UVRAG: variants seen among roughly 807,000 people sequenced by gnomAD.
UVRAG encodes the protein UV radiation resistance associated, also known as UV radiation resistance-associated gene protein.
A neutral mutation model predicts 78.0 loss-of-function variants in UVRAG; 19 were observed. That is an observed-to-expected ratio of 0.24 (90% CI 0.17 to 0.36). The LOEUF (loss-of-function observed/expected upper bound fraction) is 0.36, where lower values mean the gene tolerates loss of function less well. Ranked by LOEUF, UVRAG falls within the 10% of genes least tolerant of loss-of-function variation. UVRAG has a pLI of 1.00. For missense variants in UVRAG, 740 were observed against 853.8 expected, an observed-to-expected ratio of 0.87 and a Z score of 1.66; for synonymous variants, 323 against 324.6, an observed-to-expected ratio of 1.00 and a Z score of 0.05.
chr11:76,140,932 C>A lies in UVRAG; in HGVS notation c.1619C>A (p.Thr540Asn). 6.2e-7 allele frequency: 1 copy of A among 1,614,162 alleles called. No homozygotes were observed. The highest frequency in any genetic ancestry group is 8.5e-7 in the Non-Finnish European group (1 of 1,180,030). Reference protein sequence around the residue: ...PVTTVPSMGETERKITSLSSS... With the variant: ...PVTTVPSMGENERKITSLSSS... ...ACCACCGTCCCCTCCATGGGAGAGA[C>A]CGAGAGAAAGATAACATCTCTATCC... Residue 540 changes from threonine to asparagine, a missense_variant, in exon 15 of 15, where the codon ACC (threonine) becomes AAC (asparagine). Thr to Asn is a moderately conservative substitution (Grantham distance 65). Coordinates refer to ENST00000356136, the MANE Select transcript of UVRAG (RefSeq NM_003369.4).
At chr11:75,967,518 G>C (rs577421579) in intron 7 of UVRAG, among the ~76,000 whole-genome samples, 1 of 152,118 alleles carries the variant, frequency 6.6e-6, no homozygotes, top group South Asian at 2.1e-4. Flanking sequence ...TTTTCAATTT[G>C]GGGGGAAGAA....
intron 12 of UVRAG, among the ~76,000 whole-genome samples, chr11:76,047,690 G>A (rs965422487): frequency 6.6e-6 from 1 of 152,172 alleles, no homozygotes; most frequent in Admixed American, 6.5e-5. Context: ...AGATTAAACT[G>A]TCATTTTCAC....
intron 6 of UVRAG, among the ~76,000 whole-genome samples, chr11:75,952,382 AT>A (rs970927433): frequency 6.6e-6 from 1 of 151,200 alleles, no homozygotes; most frequent in African/African-American, 2.4e-5. Context: ...TTAGCTGTAG[AT>A]TTTTTTCTAT....
At chr11:75,832,561 C>T (rs1052265854) in intron 1 of UVRAG, among the ~76,000 whole-genome samples, 1 of 152,212 alleles carries the variant, frequency 6.6e-6, no homozygotes, top group African/African-American at 2.4e-5. Context: ...CCTCCTAGCA[C>T]TTCAATGTAT....
intron 6 of UVRAG, among the ~76,000 whole-genome samples, chr11:75,948,147 GT>G (rs1454229742): frequency 2.6e-5 from 4 of 152,028 alleles, no homozygotes; most frequent in South Asian, 2.1e-4. Flanking sequence ...GTACATGGTG[GT>G]TTTTTTCTTT....
intron 13 of UVRAG, among the ~76,000 whole-genome samples, chr11:76,097,983 C>T (rs182535204): frequency 6.7e-4 from 102 of 152,054 alleles, no homozygotes; most frequent in African/African-American, 2.4e-3. Flanking sequence ...CTTTCATCCA[C>T]AGAAATTTGG....
At chr11:76,113,610 T>A (rs1952122765) in intron 13 of UVRAG, among the ~76,000 whole-genome samples, 1 of 152,122 alleles carries the variant, frequency 6.6e-6, no homozygotes, top group African/African-American at 2.4e-5. Context: ...TAATAATATA[T>A]GTGTTATGTA....
At chr11:75,875,898 G>A (rs528869045) in intron 3 of UVRAG, among the ~76,000 whole-genome samples, 57 of 152,238 alleles carry the variant, frequency 3.7e-4, no homozygotes, top group African/African-American at 1.3e-3. Context: ...AACTGGCCAC[G>A]TGCAGTGGCT....
At chr11:75,868,881 G>A (rs1946589219) in intron 3 of UVRAG, among the ~76,000 whole-genome samples, 1 of 152,152 alleles carries the variant, frequency 6.6e-6, no homozygotes, top group Non-Finnish European at 1.5e-5. Flanking sequence ...AAAATCTCAT[G>A]GTGGGAGTAT....
intron 8 of UVRAG, among the ~76,000 whole-genome samples, chr11:75,989,462 A>G (rs1461173688): frequency 6.6e-6 from 1 of 152,174 alleles, no homozygotes; most frequent in African/African-American, 2.4e-5. Context: ...TCCTTCTCTC[A>G]GGAATCATTA....
intron 14 of UVRAG, among the ~76,000 whole-genome samples, chr11:76,126,346 G>A (rs563940031): frequency 6.6e-6 from 1 of 152,110 alleles, no homozygotes; most frequent in Non-Finnish European, 1.5e-5. Context: ...AAAATATCTT[G>A]TAGACATGTA....
intron 13 of UVRAG, among the ~76,000 whole-genome samples, chr11:76,085,844 C>T (rs111629697): frequency 1.2e-3 from 177 of 152,242 alleles, no homozygotes; most frequent in African/African-American, 3.9e-3. Flanking sequence ...CATATTTCCA[C>T]GTCCTTTTCC....
intron 7 of UVRAG, among the ~76,000 whole-genome samples, chr11:75,978,160 C>T (rs12289286): frequency 2.6e-5 from 4 of 152,120 alleles, no homozygotes; most frequent in South Asian, 4.1e-4. Flanking sequence ...AATTCCGGGT[C>T]GAAAATTCTT....
chr11:76,125,780 A>G (rs1425518449), intron 14 of UVRAG, among the ~76,000 whole-genome samples: 1 of 152,230 alleles, frequency 6.6e-6, no homozygotes, highest in African/African-American at 2.4e-5. Context: ...TTGTAAAAAT[A>G]TGCAGAAGGG....
chr11:75,866,455 G>T (rs1326574668), intron 3 of UVRAG, among the ~76,000 whole-genome samples: 1 of 151,996 alleles, frequency 6.6e-6, no homozygotes, highest in African/African-American at 2.4e-5. Flanking sequence ...GGCTGAGGCA[G>T]GGGGATCCCT....
At chr11:75,853,925 A>G (rs916923698) in intron 2 of UVRAG, among the ~76,000 whole-genome samples, 1 of 151,706 alleles carries the variant, frequency 6.6e-6, no homozygotes, top group African/African-American at 2.4e-5. Flanking sequence ...GGTGCCTGCC[A>G]CCACGTCCAG....
At chr11:75,960,067 T>C (rs1356123235) in intron 6 of UVRAG, among the ~76,000 whole-genome samples, 1 of 152,080 alleles carries the variant, frequency 6.6e-6, no homozygotes, top group African/African-American at 2.4e-5. Context: ...ATAACAGATA[T>C]AATAATAATG....
At chr11:75,848,531 C>T (rs1237825037) in intron 1 of UVRAG, among the ~76,000 whole-genome samples, 1 of 152,168 alleles carries the variant, frequency 6.6e-6, no homozygotes, top group Non-Finnish European at 1.5e-5. Flanking sequence ...GCTAATTTCC[C>T]ACAGTTGCTA....
chr11:76,007,924 T>C (rs1949978528), intron 10 of UVRAG, among the ~76,000 whole-genome samples: 1 of 152,138 alleles, frequency 6.6e-6, no homozygotes, highest in Middle Eastern at 3.2e-3. Context: ...TTTTTTTTTT[T>C]TGAGACGGAG....
Sources: allele counts gnomAD v4.1 joint callset (sites outside exome capture counted in the v4.1 genomes callset), GRCh38; gene constraint gnomAD v4.1.1; transcripts MANE v1.5; gene names NCBI Gene and HGNC (gene_info 2026-07-23, HGNC 2026-07-21).